The following AHDC1 variants were observed in gnomAD, a reference collection of about 807,000 sequenced individuals.
AHDC1 encodes AT-hook DNA binding motif containing 1.
AHDC1 carries 7 observed loss-of-function variants against 87.9 expected under a neutral mutation model. The ratio of observed to expected loss-of-function variants is 0.08; its 90% CI spans 0.05 to 0.15. AHDC1 has a LOEUF of 0.15. Ranked by LOEUF, AHDC1 falls within the 10% of genes least tolerant of loss-of-function variation. The pLI, the probability that AHDC1 is intolerant of heterozygous loss-of-function variation, is 1.00. For missense variants in AHDC1, 1,841 were observed against 2,253.2 expected (o/e 0.82, Z 3.70); for synonymous variants, 1,051 against 1,006.8 (o/e 1.04, Z -0.83).
Position 27,551,936 on chromosome 1 carries a change from G to A in AHDC1, c.180C>T (p.Asn60=), listed in dbSNP as rs1362560433. ...KAFSTHAFSE[N]PRPPPRRDPS... is the part of the protein sequence containing the mutation. ...GGTCCCGGCGTGGGGGTGGGCGTGGGTTCTCGGAGAAGGCGTGGGTGGAGA... is the reference window on the plus strand; with the variant it reads ...GGTCCCGGCGTGGGGGTGGGCGTGGATTCTCGGAGAAGGCGTGGGTGGAGA... Residue 60 remains asparagine, a synonymous_variant, in exon 8 of 9, where the codon AAC becomes AAT. Transcript: ENST00000673934. 1.9e-6 allele frequency: 3 copies of A among 1,562,930 alleles called. No homozygotes were observed. The highest frequency in any genetic ancestry group is 2.6e-6 in the Non-Finnish European group (3 of 1,154,314).
chr1:27,589,906 G>T (rs919780259), intron 3 of AHDC1, among the ~76,000 whole-genome samples: 1 of 151,916 alleles, frequency 6.6e-6, no homozygotes, highest in African/African-American at 2.4e-5. Flanking sequence ...GCCGCCTTCT[G>T]CCCTCAGCAC....
rs572365550 is a variant in AHDC1, at chr1:27,561,704, A to C, written c.-628-2821T>G. Among the ~76,000 whole-genome samples the C allele has an allele frequency of 6.6e-6, 1 of 152,264 alleles. No homozygotes were observed. The highest frequency in any genetic ancestry group is 2.1e-4 in the South Asian group (1 of 4,826). On this transcript the variant is annotated intron_variant, in intron 3 of 8. Coordinates refer to ENST00000673934, the MANE Select transcript of AHDC1 (RefSeq NM_001371928.1). The surrounding 1 kb of genome is among the most constrained non-coding windows in gnomAD (Gnocchi z 4.2). Reference sequence around the variant, plus strand: ...GAGAGAGAGGAAAAGACAGAGAGAGAGAGCGTGCCAGAGGGAGAGAGGAAA... The same window carrying C: ...GAGAGAGAGGAAAAGACAGAGAGAGCGAGCGTGCCAGAGGGAGAGAGGAAA...
rs2019432014 is a variant in AHDC1 at position 27,549,916 on chromosome 1, C to T, written c.2200G>A (p.Val734Met). The T allele has an allele frequency of 6.2e-7, 1 of 1,613,686 alleles. No individual in the cohort carries two copies. The highest frequency in any genetic ancestry group is 8.5e-7 in the Non-Finnish European group (1 of 1,179,874). The change falls in exon 8 of 9, where the codon GTG becomes ATG. Residue 734 changes from valine to methionine, a missense_variant. By Grantham distance (21) the Val-to-Met change is conservative. Coordinates refer to ENST00000673934, the MANE Select transcript of AHDC1 (RefSeq NM_001371928.1). ...CTCTTGCGCTTTGGCTTCCCAGTCA[C>T]AGCGTCTACCTCCCCCCGGCCCCGT... ...RKRGRGEVDA[V>M]TGKPKRKRRS...
intron 5 of AHDC1, among the ~76,000 whole-genome samples, chr1:27,555,361 C>T (rs1413056903): frequency 6.6e-6 from 1 of 152,142 alleles, no homozygotes; most frequent in Non-Finnish European, 1.5e-5. Context: ...TCCGAGGTCA[C>T]AAAATGGCAC....
Position 27,547,141 on chromosome 1 carries a change from G to A in AHDC1, c.*43+120C>T. The A allele has an allele frequency of 1.5e-6, 1 of 676,386 alleles. No individual in the cohort carries two copies. The highest frequency in any genetic ancestry group is 2.3e-6 in the Non-Finnish European group (1 of 427,000). 41.9% of individuals were successfully genotyped at this position (676,386 alleles called of 1,614,324 possible). A position where few individuals can be genotyped will look rare whatever the true frequency, so the allele number is the denominator to read the frequency against. ...CCCTACACCCTGCTCTCAGTCCCCA[G>A]CCTTGCCCTTAAATCCTGCATTTGC... On this transcript the variant is annotated intron_variant, in intron 8 of 8. Transcript: ENST00000673934. The surrounding 1 kb of genome is among the most constrained non-coding windows in gnomAD (Gnocchi z 4.9).
chr1:27,546,161 G>A (rs917028252), intron 8 of AHDC1, among the ~76,000 whole-genome samples: 1 of 152,170 alleles, frequency 6.6e-6, no homozygotes, highest in African/African-American at 2.4e-5. Flanking sequence ...ACGCAGGCAT[G>A]CCCCCAGTCT....
Position 27,598,166 on chromosome 1 carries a change from G to A in AHDC1, c.-629+5231C>T, listed in dbSNP as rs999353. On this transcript the variant is annotated intron_variant, in intron 3 of 8. Coordinates refer to ENST00000673934, the MANE Select transcript of AHDC1 (RefSeq NM_001371928.1). The surrounding 1 kb of genome is among the most constrained non-coding windows in gnomAD (Gnocchi z 4.2). ...AGCTGCAGCTTCTGGAAGCTTCAGT[G>A]GCAGCTGGGCTGAATTGGGAGTTCG... 0.096 allele frequency among the ~76,000 whole-genome samples: 14,582 copies of A among 152,270 alleles called. 1,914 individuals are homozygous for A. The highest frequency in any genetic ancestry group is 0.3 in the African/African-American group (12,432 of 41,500).
At chr1:27,557,066 G>A (rs1290296588) in intron 5 of AHDC1, among the ~76,000 whole-genome samples, 5 of 80,900 alleles carry the variant, frequency 6.2e-5, no homozygotes, top group Non-Finnish European at 7.1e-5. Context: ...TGCAACCCTC[G>A]CCCACCCCCT....
At position 27,558,905 on chromosome 1, in the gene AHDC1, C is replaced by G; in HGVS notation, c.-628-22G>C. ...CCATCTGTGGAAGCAAACACAGCACCACAGAGATAAGCATGGACACAGGGT... is the reference window on the plus strand; with the variant it reads ...CCATCTGTGGAAGCAAACACAGCACGACAGAGATAAGCATGGACACAGGGT... On this transcript the variant is annotated intron_variant, in intron 3 of 8. Coordinates refer to ENST00000673934, the MANE Select transcript of AHDC1 (RefSeq NM_001371928.1). The surrounding 1 kb of genome is among the most constrained non-coding windows in gnomAD (Gnocchi z 5.6). The G allele has an allele frequency of 2.5e-6, 1 of 398,734 alleles. No individual in the cohort carries two copies. Among genetic ancestry groups the G allele is most frequent in the Non-Finnish European group, 4.4e-6 (1 of 226,114 alleles). 24.7% of individuals were successfully genotyped at this position (398,734 alleles called of 1,614,324 possible).
At chr1:27,574,878 TA>T (rs985079900) in intron 3 of AHDC1, among the ~76,000 whole-genome samples, 2 of 152,192 alleles carry the variant, frequency 1.3e-5, no homozygotes, top group African/African-American at 4.8e-5. Context: ...AGGGCTCTTG[TA>T]AAATGAAGCC....
chr1:27,548,745 A>C lies in AHDC1; in HGVS notation c.3371T>G (p.Phe1124Cys), dbSNP rs758587454. Residue 1124 changes from phenylalanine to cysteine, a missense_variant, in exon 8 of 9, where the codon TTT becomes TGT. Transcript: ENST00000673934. Reference protein sequence around the residue: ...YGGLDWASEAFSQLYNPSFDC... With the variant: ...YGGLDWASEACSQLYNPSFDC... Reference sequence around the variant, plus strand: ...AAAACTGGGATTGTAGAGCTGACTAAAGGCCTCTGAGGCCCAGTCCAGGCC... The same window carrying C: ...AAAACTGGGATTGTAGAGCTGACTACAGGCCTCTGAGGCCCAGTCCAGGCC... The C allele has an allele frequency of 6.2e-7, 1 of 1,613,206 alleles. No individual in the cohort carries two copies. The highest frequency in any genetic ancestry group is 2.2e-5 in the East Asian group (1 of 44,880).
chr1:27,579,676 G>A (rs2088856232), intron 3 of AHDC1, among the ~76,000 whole-genome samples: 1 of 152,166 alleles, frequency 6.6e-6, no homozygotes, highest in African/African-American at 2.4e-5. Context: ...ATGGTCCATG[G>A]CCTGTTGTCT....
chr1:27,587,802 C>T (rs1363443068), intron 3 of AHDC1, among the ~76,000 whole-genome samples: 2 of 152,178 alleles, frequency 1.3e-5, no homozygotes, highest in Non-Finnish European at 2.9e-5. Context: ...CTGTACTACC[C>T]CATCCTTGCA....
intron 3 of AHDC1, among the ~76,000 whole-genome samples, chr1:27,602,041 G>T (rs1331918418): frequency 6.6e-6 from 1 of 152,164 alleles, no homozygotes; most frequent in Non-Finnish European, 1.5e-5. Flanking sequence ...CCCTCCTTGT[G>T]CTCAGGGACC....
intron 3 of AHDC1, among the ~76,000 whole-genome samples, chr1:27,597,280 C>T (rs576878552): frequency 2.5e-4 from 38 of 152,156 alleles, no homozygotes; most frequent in African/African-American, 8.9e-4. Flanking sequence ...TGTTCACCAG[C>T]TATGTTCGTG....
chr1:27,603,949 T>G (rs1262554586), intron 1 of AHDC1, 86 bp from the exon 2 acceptor site: 1 of 105,972 alleles, frequency 9.4e-6, no homozygotes, highest in African/African-American at 3.7e-5. Context: ...TCCCTCCCCC[T>G]CCTCCCCTCC....
chr1:27,588,928 C>T (rs1332930590), intron 3 of AHDC1, among the ~76,000 whole-genome samples: 1 of 151,914 alleles, frequency 6.6e-6, no homozygotes, highest in African/African-American at 2.4e-5. Context: ...AGAGGGAACA[C>T]ATGAAGGAAG....
At chr1:27,582,119 CAT>C (rs2088925115) in intron 3 of AHDC1, among the ~76,000 whole-genome samples, 9 of 152,374 alleles carry the variant, frequency 5.9e-5, no homozygotes, top group Admixed American at 5.9e-4. Flanking sequence ...AGCGCAGCTC[CAT>C]CCCTGGACAT....
At chr1:27,581,426 A>AG (rs2088906223) in intron 3 of AHDC1, among the ~76,000 whole-genome samples, 1 of 151,460 alleles carries the variant, frequency 6.6e-6, no homozygotes. Context: ...GGTAACCAAG[A>AG]GAAAAAAAAA....
Sources: allele counts gnomAD v4.1 joint callset (sites outside exome capture counted in the v4.1 genomes callset), GRCh38; gene constraint gnomAD v4.1.1; non-coding constraint Gnocchi (gnomAD v3.1); transcripts MANE v1.5; gene names NCBI Gene and HGNC (gene_info 2026-07-23, HGNC 2026-07-21).